The following TTC28 variants were observed in gnomAD, a reference collection of about 807,000 sequenced individuals.
TTC28 encodes the protein tetratricopeptide repeat domain 28, also known as tetratricopeptide repeat protein 28.
A neutral mutation model predicts 198.0 loss-of-function variants in TTC28; 61 were observed. The ratio of observed to expected loss-of-function variants is 0.31; its 90% CI spans 0.25 to 0.38. The LOEUF (loss-of-function observed/expected upper bound fraction) is 0.38, where lower values mean the gene tolerates loss of function less well. Among genes scored for constraint, TTC28 ranks in the 10% least tolerant of loss-of-function variants. The pLI is 1.00. For missense variants in TTC28, 2,678 were observed against 3,164.0 expected, an observed-to-expected ratio of 0.85 and a Z score of 3.69; for synonymous variants, 1,171 against 1,297.8, an observed-to-expected ratio of 0.90 and a Z score of 2.10.
chr22:28,430,583 A>C (rs774706793), intron 2 of TTC28, among the ~76,000 whole-genome samples: 1 of 152,240 alleles, frequency 6.6e-6, no homozygotes, highest in African/African-American at 2.4e-5. Flanking sequence ...CTTATGCATG[A>C]AACAATGAGC....
At chr22:28,167,866 A>T (rs1367367547) in intron 5 of TTC28, among the ~76,000 whole-genome samples, 1 of 152,232 alleles carries the variant, frequency 6.6e-6, no homozygotes, top group African/African-American at 2.4e-5. Context: ...AATTAGGAAA[A>T]GAGGAAGTCA....
intron 2 of TTC28, among the ~76,000 whole-genome samples, chr22:28,561,205 C>A (rs1227733484): frequency 6.6e-6 from 1 of 151,344 alleles, no homozygotes; most frequent in Non-Finnish European, 1.5e-5. Context: ...TCCAGAGTAG[C>A]TGGGACTACA....
intron 2 of TTC28, among the ~76,000 whole-genome samples, chr22:28,629,164 C>T (rs181318411): frequency 1.1e-3 from 167 of 152,144 alleles, no homozygotes; most frequent in African/African-American, 3.7e-3. Context: ...AATAAACAGT[C>T]ATTGACAGAG....
At chr22:28,572,869 C>CTTTA (rs1287383866) in intron 2 of TTC28, among the ~76,000 whole-genome samples, 1 of 151,988 alleles carries the variant, frequency 6.6e-6, no homozygotes, top group Non-Finnish European at 1.5e-5. Context: ...TAAAGGGAGG[C>CTTTA]CAGGTGCAGT....
rs557682511 is a variant in TTC28 at position 28,424,565 on chromosome 22, A to G, written c.382-117922T>C. On this transcript the variant is annotated intron_variant, in intron 2 of 22. Coordinates refer to ENST00000397906, the MANE Select transcript of TTC28 (RefSeq NM_001145418.2). ...TTATCCAAGTCATAGTATAAATATA[A>G]TAACAGCTTCCTTTGAATACAGTAC... Among the ~76,000 whole-genome samples the G allele has an allele frequency of 6.5e-4, 99 of 152,320 alleles. 2 individuals carry two copies. The highest frequency in any genetic ancestry group is 1.1e-3 in the Non-Finnish European group (78 of 68,026).
intron 2 of TTC28, among the ~76,000 whole-genome samples, chr22:28,563,037 C>T (rs1441396941): frequency 1.3e-5 from 2 of 152,136 alleles, no homozygotes; most frequent in African/African-American, 4.8e-5. Flanking sequence ...GCAGGAGGGT[C>T]GCTTGAGCTC....
intron 2 of TTC28, among the ~76,000 whole-genome samples, chr22:28,452,122 G>A (rs1421905495): frequency 2.0e-5 from 3 of 152,058 alleles, no homozygotes; most frequent in African/African-American, 7.2e-5. Context: ...AGGCGCGATG[G>A]CTCACGCCTG....
At chr22:28,455,759 T>C (rs896530628) in intron 2 of TTC28, among the ~76,000 whole-genome samples, 2 of 151,858 alleles carry the variant, frequency 1.3e-5, no homozygotes, top group African/African-American at 4.8e-5. Flanking sequence ...GTTCCCTTCA[T>C]TGGGTTGATG....
rs1324076210 is a variant in TTC28 at position 27,979,390 on chromosome 22, G to A, written c.*2831C>T. 2.7e-5 allele frequency: 4 copies of A among 150,354 alleles called. No individual in the cohort carries two copies. The highest frequency in any genetic ancestry group is 4.4e-5 in the Non-Finnish European group (3 of 67,804). The allele number at this position is 150,354 out of a possible 1,614,324, so 9.3% of individuals were successfully genotyped here. On this transcript the variant is annotated 3_prime_UTR_variant, in exon 23 of 23. Coordinates refer to ENST00000397906, the MANE Select transcript of TTC28 (RefSeq NM_001145418.2). ...AGCTACTTAGAGGCTGAGGCAGGGA[G>A]AATTGCTTGAACCCAGGAGGAAGAG...
chr22:28,272,410 A>C (rs1172368486), intron 5 of TTC28, among the ~76,000 whole-genome samples: 4 of 152,226 alleles, frequency 2.6e-5, no homozygotes, highest in Non-Finnish European at 4.4e-5. Flanking sequence ...CCCTGATATG[A>C]GAATAGTCAT....
At position 28,614,883 on chromosome 22, in the gene TTC28, G is replaced by A. The variant is rs1012215263; in HGVS notation, c.381+14669C>T. 1.3e-4 allele frequency among the ~76,000 whole-genome samples: 20 copies of A among 152,170 alleles called. 1 individual carries two copies. The highest frequency in any genetic ancestry group is 4.2e-4 in the South Asian group (2 of 4,808). ...CAACAGCATTTAAGACATAGGCTTCGGCAAAGACTTCATGATTTAAACACC... is the reference window on the plus strand; with the variant it reads ...CAACAGCATTTAAGACATAGGCTTCAGCAAAGACTTCATGATTTAAACACC... On this transcript the variant is annotated intron_variant, in intron 2 of 22. Transcript: ENST00000397906.
At chr22:28,015,390 G>T (rs535939192) in intron 13 of TTC28, among the ~76,000 whole-genome samples, 1 of 141,568 alleles carries the variant, frequency 7.1e-6, no homozygotes, top group African/African-American at 2.7e-5. Context: ...AAACAGACAA[G>T]GTATCATCCT....
chr22:27,994,547 A>T (rs1937516886), intron 17 of TTC28: 1 of 152,030 alleles, frequency 6.6e-6, no homozygotes, highest in African/African-American at 2.4e-5. Context: ...GGAGGAAACA[A>T]GCCTGCCTGG....
intron 6 of TTC28, among the ~76,000 whole-genome samples, chr22:28,151,760 C>A (rs946557206): frequency 6.6e-6 from 1 of 152,174 alleles, no homozygotes; most frequent in Non-Finnish European, 1.5e-5. Context: ...ATAGGACATT[C>A]TTGTTCCTTT....
At chr22:28,347,459 A>G (rs1352503707) in intron 2 of TTC28, among the ~76,000 whole-genome samples, 1 of 152,188 alleles carries the variant, frequency 6.6e-6, no homozygotes, top group East Asian at 1.9e-4. Context: ...AATGATCTAT[A>G]TATTACTCAT....
At chr22:28,468,396 C>CA (rs1198983309) in intron 2 of TTC28, among the ~76,000 whole-genome samples, 2 of 152,170 alleles carry the variant, frequency 1.3e-5, no homozygotes, top group East Asian at 3.9e-4. Flanking sequence ...TGAGGGGAAA[C>CA]AAACAGTAAA....
chr22:28,095,681 T>C (rs571112456), intron 11 of TTC28, among the ~76,000 whole-genome samples: 1 of 152,240 alleles, frequency 6.6e-6, no homozygotes, highest in Non-Finnish European at 1.5e-5. Flanking sequence ...AGATTTTTAC[T>C]TCTGAAATAG....
rs906943872 is a variant in TTC28, at chr22:27,979,800, G to C, written c.*2421C>G. ...CAAGAACACCAAGACTGACATACAC[G>C]TAAAGTGGCGGTGACTTTACAGTGG... On this transcript the variant is annotated 3_prime_UTR_variant, in exon 23 of 23. Transcript: ENST00000397906. The C allele has an allele frequency of 1.3e-5, 2 of 152,144 alleles. No individual in the cohort carries two copies. Among genetic ancestry groups the C allele is most frequent in the African/African-American group, 2.4e-5 (1 of 41,444 alleles). The allele number at this position is 152,144 out of a possible 1,614,324, so 9.4% of individuals were successfully genotyped here. A position where few individuals can be genotyped will look rare whatever the true frequency, so the allele number is the denominator to read the frequency against.
At chr22:28,502,476 T>TAC (rs1555884647) in intron 2 of TTC28, among the ~76,000 whole-genome samples, 1 of 145,232 alleles carries the variant, frequency 6.9e-6, no homozygotes, top group Non-Finnish European at 1.5e-5. Flanking sequence ...CTGTCTCTAC[T>TAC]AAAAAAAAAA....
Sources: gnomAD v4.1 joint callset for allele counts (sites outside exome capture counted in the v4.1 genomes callset) on GRCh38, gnomAD v4.1.1 for gene constraint, MANE v1.5 for transcripts, NCBI Gene and HGNC (gene_info 2026-07-23, HGNC 2026-07-21) for gene names.